The following NIPSNAP2 variants were observed in gnomAD, a reference collection of about 807,000 sequenced individuals.
NIPSNAP2 encodes nipsnap homolog 2, also known as protein NipSnap homolog 2.
In NIPSNAP2, 42 loss-of-function variants were observed where a neutral mutation model predicts 48.4. That is an observed-to-expected ratio of 0.87 (90% CI 0.68 to 1.12). The LOEUF (loss-of-function observed/expected upper bound fraction) is 1.12. Among genes scored for constraint, NIPSNAP2 ranks in the 50% most tolerant of loss-of-function variants. The probability of loss-of-function intolerance (pLI) is 0.00; values close to 1 mark genes in which losing one functional copy is unlikely to be tolerated. For missense variants in NIPSNAP2, 314 were observed against 347.3 expected (o/e 0.90, Z 0.76); for synonymous variants, 158 against 126.6 (o/e 1.25, Z -1.67).
Position 55,983,938 on chromosome 7 carries a change from C to T in NIPSNAP2, c.585+70C>T, listed in dbSNP as rs931026575. On this transcript the variant is annotated intron_variant, in intron 6 of 9. Coordinates refer to ENST00000322090, the MANE Select transcript of NIPSNAP2 (RefSeq NM_001483.3). ...AAGCACAAGCATTTTGTAAGGCTGA[C>T]AACAGAACTTGTGTGTACATTCTGT... 21 of 1,405,340 alleles carry T rather than the reference C, an allele frequency of 1.5e-5. No individual in the cohort carries two copies. In the South Asian group the frequency reaches 2.4e-4, roughly 16 times the overall value. The allele number at this position is 1,405,340 out of a possible 1,614,324, so 87.1% of individuals were successfully genotyped here. A position where few individuals can be genotyped will look rare whatever the true frequency, so the allele number is the denominator to read the frequency against.
At chr7:55,966,242 C>G (rs902785352) in intron 1 of NIPSNAP2, among the ~76,000 whole-genome samples, 11 of 152,112 alleles carry the variant, frequency 7.2e-5, no homozygotes, top group Non-Finnish European at 1.6e-4. Flanking sequence ...TAGGAGTTGT[C>G]AGTATATAGG....
Position 55,999,219 on chromosome 7 carries a change from T to C in NIPSNAP2, c.*147T>C. ...TGAGAAACCTCTTTTCTTTAAAATT[T>C]ACATAATCACAAGAAAGGAAAGAAT... On this transcript the variant is annotated 3_prime_UTR_variant, in exon 10 of 10. Transcript: ENST00000322090. 1.5e-6 allele frequency: 1 copy of C among 663,058 alleles called. No individual in the cohort carries two copies. The highest frequency in any genetic ancestry group is 2.6e-6 in the Non-Finnish European group (1 of 377,760). 41.1% of individuals were successfully genotyped at this position (663,058 alleles called of 1,614,324 possible).
At chr7:55,981,654 A>G (rs1787218884) in intron 4 of NIPSNAP2, 87 bp downstream of exon 4, 1 of 812,668 alleles carries the variant, frequency 1.2e-6, no homozygotes, top group South Asian at 1.7e-5. Context: ...GCTTGTTCTT[A>G]TCATCAAAGC....
chr7:55,979,658 C>T, intron 3 of NIPSNAP2: 1 of 405,442 alleles, frequency 2.5e-6, no homozygotes, highest in Non-Finnish European at 4.9e-6. Flanking sequence ...CCTGTGTCTC[C>T]TTCCTGCCCT....
chr7:55,992,432 G>A (rs1400020372), intron 7 of NIPSNAP2, among the ~76,000 whole-genome samples: 2 of 151,654 alleles, frequency 1.3e-5, no homozygotes, highest in East Asian at 3.9e-4. Context: ...CCAGACTGCA[G>A]TCAGCTAAGA....
intron 7 of NIPSNAP2, among the ~76,000 whole-genome samples, chr7:55,992,628 G>A (rs928341759): frequency 6.6e-6 from 1 of 152,180 alleles, no homozygotes; most frequent in Admixed American, 6.6e-5. Context: ...AGCATCTTGT[G>A]CCTTGAGAGT....
At chr7:55,996,053 C>T (rs1321484428) in intron 8 of NIPSNAP2, among the ~76,000 whole-genome samples, 1 of 151,916 alleles carries the variant, frequency 6.6e-6, no homozygotes, top group African/African-American at 2.4e-5. Context: ...TTTGGGAGGC[C>T]GAGGCAGGTG....
At chr7:55,988,951 T>C (rs564147952) in intron 7 of NIPSNAP2, among the ~76,000 whole-genome samples, 3 of 152,260 alleles carry the variant, frequency 2.0e-5, no homozygotes, top group Non-Finnish European at 4.4e-5. Flanking sequence ...TAAACACTTA[T>C]ATATATGTGT....
intron 4 of NIPSNAP2, 52 bp from the exon 5 acceptor site, chr7:55,982,155 AAGT>A: frequency 2.7e-6 from 3 of 1,123,856 alleles, no homozygotes; most frequent in South Asian, 2.6e-5. Context: ...GAACATTTTC[AAGT>A]AGTAGTATCA....
chr7:55,984,929 T>C, intron 7 of NIPSNAP2, 51 bp downstream of exon 7: 1 of 1,447,936 alleles, frequency 6.9e-7, no homozygotes, highest in Non-Finnish European at 9.6e-7. Flanking sequence ...ATAGATTAGT[T>C]TAGGCCATAG....
intron 1 of NIPSNAP2, among the ~76,000 whole-genome samples, chr7:55,972,820 T>C (rs1255064917): frequency 6.6e-6 from 1 of 152,138 alleles, no homozygotes; most frequent in African/African-American, 2.4e-5. Flanking sequence ...TATTGGAATA[T>C]GGCTGGGTGT....
chr7:55,982,863 T>C (rs890481539), intron 5 of NIPSNAP2, among the ~76,000 whole-genome samples: 13 of 146,570 alleles, frequency 8.9e-5, no homozygotes, highest in African/African-American at 3.0e-4. Flanking sequence ...TAACTCATGC[T>C]TGTAATCCCA....
chr7:55,990,109 C>T (rs1000728743), intron 7 of NIPSNAP2, among the ~76,000 whole-genome samples: 1 of 151,892 alleles, frequency 6.6e-6, no homozygotes, highest in Non-Finnish European at 1.5e-5. Context: ...AATTTTGAAA[C>T]ATTGGGATAG....
At position 55,998,918 on chromosome 7, in the gene NIPSNAP2, G is replaced by A. The variant is rs900830561; in HGVS notation, c.797-90G>A. On this transcript the variant is annotated intron_variant, in intron 9 of 9. Coordinates refer to ENST00000322090, the MANE Select transcript of NIPSNAP2 (RefSeq NM_001483.3). ...TCTCTTGTTTTCAAGCAGCACATCTGTGAACATTCTCGGCAATCTGTCTGT... is the reference window on the plus strand; with the variant it reads ...TCTCTTGTTTTCAAGCAGCACATCTATGAACATTCTCGGCAATCTGTCTGT... 5 of 1,076,384 alleles carry A rather than the reference G, an allele frequency of 4.6e-6. No individual in the cohort carries two copies. The African/African-American group carries it at 6.2e-5, about 13-fold the overall frequency. 66.7% of individuals were successfully genotyped at this position (1,076,384 alleles called of 1,614,324 possible).
chr7:55,988,620 G>C (rs545855067), intron 7 of NIPSNAP2, among the ~76,000 whole-genome samples: 1 of 152,234 alleles, frequency 6.6e-6, no homozygotes, highest in African/African-American at 2.4e-5. Flanking sequence ...AGCACTTAAC[G>C]AGGCTGAGGG....
chr7:55,988,105 T>C (rs1787367962), intron 7 of NIPSNAP2, among the ~76,000 whole-genome samples: 1 of 151,852 alleles, frequency 6.6e-6, no homozygotes, highest in Non-Finnish European at 1.5e-5. Context: ...CTACAAAAAA[T>C]ACAAAAATTA....
At chr7:55,965,588 T>C (rs1375890003) in intron 1 of NIPSNAP2, among the ~76,000 whole-genome samples, 1 of 152,036 alleles carries the variant, frequency 6.6e-6, no homozygotes, top group African/African-American at 2.4e-5. Context: ...GTTTATTTAT[T>C]TATATTTTTG....
chr7:55,986,503 A>G (rs1273312141), intron 7 of NIPSNAP2, among the ~76,000 whole-genome samples: 1 of 151,946 alleles, frequency 6.6e-6, no homozygotes, highest in African/African-American at 2.4e-5. Context: ...CTCTACTAAA[A>G]ATACAAAAAT....
intron 7 of NIPSNAP2, among the ~76,000 whole-genome samples, chr7:55,990,932 C>T (rs1404551053): frequency 1.3e-5 from 2 of 151,826 alleles, no homozygotes; most frequent in African/African-American, 4.8e-5. Context: ...GGATTACAGG[C>T]GTGCACCGCC....
Sources: gnomAD v4.1 joint callset for allele counts (sites outside exome capture counted in the v4.1 genomes callset) on GRCh38, gnomAD v4.1.1 for gene constraint, MANE v1.5 for transcripts, NCBI Gene and HGNC (gene_info 2026-07-23, HGNC 2026-07-21) for gene names.